Variants in SENP5 observed in about 807,000 individuals in gnomAD.
SENP5 encodes SUMO specific peptidase 5, also known as sentrin-specific protease 5.
SENP5 carries 21 observed loss-of-function variants against 74.2 expected under a neutral mutation model. The ratio of observed to expected loss-of-function variants is 0.28; its 90% CI spans 0.20 to 0.41. The LOEUF (loss-of-function observed/expected upper bound fraction) is 0.41. Among genes scored for constraint, SENP5 ranks in the 10% least tolerant of loss-of-function variants. SENP5 has a pLI of 1.00. For synonymous variants in SENP5, 311 were observed against 312.7 expected (o/e 0.99, Z 0.06); for missense variants, 717 against 889.1 (o/e 0.81, Z 2.46).
intron 1 of SENP5, among the ~76,000 whole-genome samples, chr3:196,870,699 G>T (rs556738784): frequency 2.6e-5 from 4 of 151,758 alleles, no homozygotes; most frequent in Non-Finnish European, 1.5e-5. Flanking sequence ...TGTATTTTTA[G>T]TAGAGATGGG....
intron 1 of SENP5, among the ~76,000 whole-genome samples, chr3:196,869,842 GCC>G (rs1185550676): frequency 6.7e-5 from 5 of 74,106 alleles, no homozygotes; most frequent in African/African-American, 3.5e-4. Flanking sequence ...TTCTAAATCA[GCC>G]TTTTTTTTTT....
At chr3:196,926,733 G>C (rs1715829120) in intron 7 of SENP5, among the ~76,000 whole-genome samples, 1 of 150,892 alleles carries the variant, frequency 6.6e-6, no homozygotes, top group African/African-American at 2.4e-5. Flanking sequence ...CCGCCTCCTG[G>C]GTTCAAGCGA....
At chr3:196,899,310 G>A (rs1714597496) in intron 2 of SENP5, among the ~76,000 whole-genome samples, 1 of 152,104 alleles carries the variant, frequency 6.6e-6, no homozygotes, top group Non-Finnish European at 1.5e-5. Context: ...AGGCACATTT[G>A]ACTATGTGAT....
intron 1 of SENP5, among the ~76,000 whole-genome samples, chr3:196,874,906 G>T (rs557682726): frequency 6.6e-6 from 1 of 151,648 alleles, no homozygotes; most frequent in Admixed American, 6.6e-5. Flanking sequence ...TTGGGCTATT[G>T]CCCTAGGGTA....
intron 1 of SENP5, among the ~76,000 whole-genome samples, chr3:196,884,668 T>G (rs1713871756): frequency 7.7e-6 from 1 of 129,090 alleles, no homozygotes; most frequent in African/African-American, 3.8e-5. Flanking sequence ...AAATCAGTTT[T>G]TTTTTGTTTT....
chr3:196,902,279 T>C lies in SENP5; in HGVS notation c.1807-1254T>C, dbSNP rs538446265. 3.3e-5 allele frequency among the ~76,000 whole-genome samples: 5 copies of C among 152,336 alleles called. No homozygotes were observed. The South Asian group carries it at 1.0e-3, about 32-fold the overall frequency. On this transcript the variant is annotated intron_variant, in intron 5 of 9. Coordinates refer to ENST00000323460, the MANE Select transcript of SENP5 (RefSeq NM_152699.5). Reference sequence around the variant, plus strand: ...CTAGAGGCATGTGCCACTGTGCTACTATACCCAGCTAGTTTATTTTTATTT... The same window carrying C: ...CTAGAGGCATGTGCCACTGTGCTACCATACCCAGCTAGTTTATTTTTATTT...
In SENP5 at chr3:196,895,407, C is replaced by T. The variant is rs551201866; in HGVS notation, c.1514-4259C>T. Among the ~76,000 whole-genome samples the T allele has an allele frequency of 3.9e-5, 6 of 151,918 alleles. No individual in the cohort carries two copies. The East Asian group carries it at 5.8e-4, about 15-fold the overall frequency. On this transcript the variant is annotated intron_variant, in intron 2 of 9. Transcript: ENST00000323460. ...TCCACCATGTTAGCCAGGATGGTCTCGATCTCCTGACCTCGTGATCCACCC... is the reference window on the plus strand; with the variant it reads ...TCCACCATGTTAGCCAGGATGGTCTTGATCTCCTGACCTCGTGATCCACCC...
At position 196,930,800 on chromosome 3, in the gene SENP5, T is replaced by G. The variant is rs75657271; in HGVS notation, c.2158-13T>G. ...GTGCCACTGAAGTGTTTCTGGGACCTTTTTTTTTGCAGTACTGCAAGTGCC... is the reference window on the plus strand; with the variant it reads ...GTGCCACTGAAGTGTTTCTGGGACCGTTTTTTTTGCAGTACTGCAAGTGCC... On this transcript the variant is annotated splice_polypyrimidine_tract_variant and intron_variant, in intron 9 of 9. Transcript: ENST00000323460. The G allele has an allele frequency of 3.0e-4, 31 of 104,490 alleles. No individual in the cohort carries two copies. The highest frequency in any genetic ancestry group is 3.7e-4 in the Non-Finnish European group (31 of 83,840). The allele number at this position is 104,490 out of a possible 1,614,324, so 6.5% of individuals were successfully genotyped here.
intron 1 of SENP5, among the ~76,000 whole-genome samples, chr3:196,884,674 G>GTTTTTTTTTT (rs529240359): frequency 2.2e-5 from 3 of 138,600 alleles, no homozygotes; most frequent in Non-Finnish European, 3.1e-5. Context: ...GTTTTTTTTT[G>GTTTTTTTTTT]TTTTTTTTTT....
intron 6 of SENP5, 39 bp downstream of exon 6, chr3:196,903,649 G>A (rs966356688): frequency 1.1e-5 from 15 of 1,339,738 alleles, no homozygotes; most frequent in South Asian, 2.6e-5. Context: ...AATTTGAAAC[G>A]CAGATGATAA....
intron 6 of SENP5, among the ~76,000 whole-genome samples, chr3:196,912,406 C>G (rs1715170334): frequency 6.6e-6 from 1 of 152,076 alleles, no homozygotes; most frequent in Admixed American, 6.6e-5. Context: ...GAACAACATA[C>G]ACCGGGGCCT....
chr3:196,928,888 T>G (rs2108868316), intron 8 of SENP5, among the ~76,000 whole-genome samples: 1 of 152,324 alleles, frequency 6.6e-6, no homozygotes, highest in East Asian at 1.9e-4. Context: ...AGTAACCAGT[T>G]CTTTTAAAAA....
intron 1 of SENP5, among the ~76,000 whole-genome samples, chr3:196,871,855 CAA>C (rs10714946): frequency 6.7e-4 from 71 of 105,774 alleles, no homozygotes; most frequent in Middle Eastern, 6.0e-3. Flanking sequence ...ACTCCATCTC[CAA>C]AAAAAAAAAA....
chr3:196,916,836 T>A lies in SENP5; in HGVS notation c.1885-6578T>A, dbSNP rs544493464. Among the ~76,000 whole-genome samples, 90 of 146,072 alleles carry A rather than the reference T, an allele frequency of 6.2e-4. 1 individual carries two copies. Among genetic ancestry groups the A allele is most frequent in the East Asian group, 1.0e-3 (5 of 4,830 alleles). On this transcript the variant is annotated intron_variant, in intron 6 of 9. Coordinates refer to ENST00000323460, the MANE Select transcript of SENP5 (RefSeq NM_152699.5). ...CCCAGCTGAGATTGACATATTTTTT[T>A]AAAAAAATAAGCAGAGGCTGGGCAC...
chr3:196,882,654 C>A (rs1389708900), intron 1 of SENP5, among the ~76,000 whole-genome samples: 1 of 152,102 alleles, frequency 6.6e-6, no homozygotes, highest in Non-Finnish European at 1.5e-5. Flanking sequence ...CAGGCATGCA[C>A]CACCATGCCC....
intron 1 of SENP5, among the ~76,000 whole-genome samples, chr3:196,879,932 G>T (rs565891389): frequency 6.6e-6 from 1 of 152,004 alleles, no homozygotes; most frequent in Non-Finnish European, 1.5e-5. Context: ...GCTTTGCTCC[G>T]AAGTTTTGTT....
intron 1 of SENP5, among the ~76,000 whole-genome samples, chr3:196,876,033 G>A (rs1713449859): frequency 6.6e-6 from 1 of 152,126 alleles, no homozygotes; most frequent in South Asian, 2.1e-4. Flanking sequence ...AATATTGGCA[G>A]TATACCATAG....
intron 2 of SENP5, among the ~76,000 whole-genome samples, chr3:196,887,487 C>G (rs1003047739): frequency 6.6e-6 from 1 of 151,556 alleles, no homozygotes; most frequent in African/African-American, 2.4e-5. Context: ...GCCCCTTTGC[C>G]TATTTTTCAA....
intron 5 of SENP5, among the ~76,000 whole-genome samples, chr3:196,902,935 T>C (rs1397925963): frequency 6.6e-6 from 1 of 152,156 alleles, no homozygotes; most frequent in Non-Finnish European, 1.5e-5. Flanking sequence ...GTTACCTCAT[T>C]TTTTCATAGC....
Sources: allele counts gnomAD v4.1 joint callset (sites outside exome capture counted in the v4.1 genomes callset), GRCh38; gene constraint gnomAD v4.1.1; transcripts MANE v1.5; gene names NCBI Gene and HGNC (gene_info 2026-07-23, HGNC 2026-07-21).